The following DYNC1H1 variants were observed in gnomAD, a reference collection of about 807,000 sequenced individuals.
The protein encoded by DYNC1H1 is dynein cytoplasmic 1 heavy chain 1.
DYNC1H1 carries 51 observed loss-of-function variants against 527.1 expected under a neutral mutation model. The observed-to-expected ratio is 0.10, with a 90% CI of 0.08 to 0.12. The LOEUF (loss-of-function observed/expected upper bound fraction) is 0.12, where lower values mean the gene tolerates loss of function less well. DYNC1H1 is among the 10% of genes least tolerant of loss of function. The pLI is 1.00. For synonymous variants in DYNC1H1, 2,189 were observed against 2,278.8 expected (o/e 0.96, Z 1.12); for missense variants, 2,771 against 5,971.8 (o/e 0.46, Z 17.66).
At chr14:102,043,731 C>A in intron 69 of DYNC1H1, 144 bp from the exon 70 acceptor site, 1 of 1,104,676 alleles carries the variant, frequency 9.1e-7, no homozygotes, top group Non-Finnish European at 1.3e-6. Flanking sequence ...TACTTTTCTC[C>A]TAGCAGCAGT....
chr14:102,046,944 GCCA>G (rs139436002), intron 72 of DYNC1H1, among the ~76,000 whole-genome samples: 4,521 of 152,174 alleles, frequency 0.03, 207 homozygotes, highest in East Asian at 0.23. Context: ...GACCACAGGT[GCCA>G]CCACCACACC....
At position 102,028,086 on chromosome 14, in the gene DYNC1H1, C is replaced by G; in HGVS notation, c.9413C>G (p.Ser3138Cys). The change falls in exon 48 of 78, where the codon TCC (serine) becomes TGC (cysteine). Residue 3138 changes from serine to cysteine, a missense_variant. Physicochemically the swap from Ser to Cys is moderately radical, Grantham distance 112. This residue lies in a region of DYNC1H1 where 67 missense variants were observed against 128.2 expected (regional missense o/e 0.52). Coordinates refer to ENST00000360184, the MANE Select transcript of DYNC1H1 (RefSeq NM_001376.5). Reference protein sequence around the residue: ...VVYDKLPQPPSHREAIVNSCV... With the variant: ...VVYDKLPQPPCHREAIVNSCV... ...TATGATAAGCTGCCGCAGCCACCAT[C>G]CCATCGGGAAGCCATTGTGAACAGC... The G allele has an allele frequency of 6.2e-7, 1 of 1,614,198 alleles. No individual in the cohort carries two copies. The highest frequency in any genetic ancestry group is 8.5e-7 in the Non-Finnish European group (1 of 1,180,038).
chr14:102,006,154 G>C lies in DYNC1H1; in HGVS notation c.5700G>C (p.Leu1900=), dbSNP rs552313071. The C allele has an allele frequency of 9.3e-6, 15 of 1,613,708 alleles. No homozygotes were observed. The highest frequency in any genetic ancestry group is 2.2e-5 in the East Asian group (1 of 44,888). ...LTMTQALEAR[L]GGSPFGPAGT... ...TGACACAAGCCTTGGAGGCCAGGCTGGGGGGTTCCCCATTTGGTAAGTTCT... is the reference window on the plus strand; with the variant it reads ...TGACACAAGCCTTGGAGGCCAGGCTCGGGGGTTCCCCATTTGGTAAGTTCT... Residue 1900 remains leucine (L), a synonymous_variant, in exon 27 of 78, where the codon CTG becomes CTC. Coordinates refer to ENST00000360184, the MANE Select transcript of DYNC1H1 (RefSeq NM_001376.5).
rs981658442 is a variant in DYNC1H1 at position 102,023,193 on chromosome 14, G to C, written c.8637+313G>C. On this transcript the variant is annotated intron_variant, in intron 43 of 77. Transcript: ENST00000360184. Reference sequence around the variant, plus strand: ...AGCCCAGGAAGTCACAGTGAGCTGTGGTCACACCACCATACTGCAGCCTGG... The same window carrying C: ...AGCCCAGGAAGTCACAGTGAGCTGTCGTCACACCACCATACTGCAGCCTGG... 9.3e-5 allele frequency: 36 copies of C among 388,202 alleles called. No individual in the cohort carries two copies. The Admixed American group carries it at 9.4e-4, about 10-fold the overall frequency. The allele number at this position is 388,202 out of a possible 1,614,324, so 24.0% of individuals were successfully genotyped here. A position where few individuals can be genotyped will look rare whatever the true frequency, so the allele number is the denominator to read the frequency against.
At position 102,005,319 on chromosome 14, in the gene DYNC1H1, A is replaced by G; in HGVS notation, c.5433+83A>G. The G allele has an allele frequency of 6.3e-7, 1 of 1,581,728 alleles. No individual in the cohort carries two copies. The highest frequency in any genetic ancestry group is 1.1e-5 in the South Asian group (1 of 89,994). Reference sequence around the variant, plus strand: ...CAGTTAAATGGAAATCATGCTTGAAAAAGGTTTCAGGTAGTATCAAGGAGA... The same window carrying G: ...CAGTTAAATGGAAATCATGCTTGAAGAAGGTTTCAGGTAGTATCAAGGAGA... On this transcript the variant is annotated intron_variant, in intron 26 of 77. Transcript: ENST00000360184. This position sits in a 1 kb window ranked among gnomAD's most constrained non-coding sequence, Gnocchi z 4.0.
rs2273438 is a variant in DYNC1H1 at position 101,979,270 on chromosome 14, T to C, written c.345-49T>C. ...TGTATGATTTTTAAATTAATAAGCC[T>C]AATTAGGAGTGTAACTTTTCTAATT... On this transcript the variant is annotated intron_variant, in intron 2 of 77. Transcript: ENST00000360184. The surrounding 1 kb of genome is among the most constrained non-coding windows in gnomAD (Gnocchi z 4.6). 188,642 of 1,557,080 alleles carry C rather than the reference T, an allele frequency of 0.12. 12,901 individuals are homozygous for C. Among genetic ancestry groups the C allele is most frequent in the African/African-American group, 0.25 (18,344 of 73,826 alleles).
intron 56 of DYNC1H1, chr14:102,035,484 G>A (rs1240138402): frequency 6.6e-6 from 1 of 152,244 alleles, no homozygotes; most frequent in Non-Finnish European, 1.5e-5. Flanking sequence ...CGCAGGGCTG[G>A]ATTTGCCTAA....
chr14:102,037,104 A>T (rs1186292195), intron 57 of DYNC1H1: 4 of 210,422 alleles, frequency 1.9e-5, no homozygotes, highest in Non-Finnish European at 3.9e-5. Context: ...CTTAAAAAAA[A>T]AAAAAATTAT....
chr14:102,042,371 T>G lies in DYNC1H1; in HGVS notation c.12276-13T>G. 6.2e-7 allele frequency: 1 copy of G among 1,614,144 alleles called. No homozygotes were observed. Among genetic ancestry groups the G allele is most frequent in the Non-Finnish European group, 8.5e-7 (1 of 1,180,032 alleles). On this transcript the variant is annotated splice_polypyrimidine_tract_variant and intron_variant, in intron 67 of 77. Transcript: ENST00000360184. The surrounding 1 kb of genome is among the most constrained non-coding windows in gnomAD (Gnocchi z 5.7). ...GCCTGGCATGCTGTGTGACTCTCAC[T>G]TTGTGTGTGCAGGTGGGTGATGCTG...
At chr14:102,031,228 C>T (rs2048506917) in intron 51 of DYNC1H1, among the ~76,000 whole-genome samples, 1 of 151,950 alleles carries the variant, frequency 6.6e-6, no homozygotes, top group Admixed American at 6.6e-5. Flanking sequence ...AGTCATTGGC[C>T]ATTGTTTTTG....
intron 72 of DYNC1H1, 176 bp from the exon 73 acceptor site, chr14:102,047,641 G>GTATATATATATATATATATATA (rs71116874): frequency 2.7e-4 from 84 of 316,672 alleles, no homozygotes; most frequent in African/African-American, 1.5e-3. Flanking sequence ...GTGTGTGTGT[G>GTATATATATATATATATATATA]TATATATATA....
At chr14:102,043,500 G>A (rs1323576299) in intron 69 of DYNC1H1, 4 of 357,656 alleles carry the variant, frequency 1.1e-5, no homozygotes, top group Admixed American at 4.0e-5. Flanking sequence ...AGGCCCCCAA[G>A]ACCAAACAGA....
chr14:102,024,100 G>A (rs1424518598), intron 43 of DYNC1H1, among the ~76,000 whole-genome samples: 1 of 152,172 alleles, frequency 6.6e-6, no homozygotes, highest in African/African-American at 2.4e-5. Flanking sequence ...TCCAGCCGGT[G>A]GAAGGTGTTG....
chr14:102,050,706 G>A lies in DYNC1H1; in HGVS notation c.*143G>A. 7.4e-7 allele frequency: 1 copy of A among 1,358,990 alleles called. No homozygotes were observed. The highest frequency in any genetic ancestry group is 2.4e-5 in the East Asian group (1 of 41,150). The allele number at this position is 1,358,990 out of a possible 1,614,324, so 84.2% of individuals were successfully genotyped here. ...GAAGCTGAATGGAATCTGACGGTTGGGAGTGGTGGAAATTGGAAGGATACC... is the reference window on the plus strand; with the variant it reads ...GAAGCTGAATGGAATCTGACGGTTGAGAGTGGTGGAAATTGGAAGGATACC... On this transcript the variant is annotated 3_prime_UTR_variant, in exon 78 of 78. Coordinates refer to ENST00000360184, the MANE Select transcript of DYNC1H1 (RefSeq NM_001376.5).
Position 102,050,061 on chromosome 14 carries a change from C to CTTCAA in DYNC1H1, c.13685-10_13685-9insTTCAA. ...TCACCTCAGCCTGGGTTTTGGCTTC[C>CTTCAA]GCCTCACAGGTTTGAAACTTCAAGG... On this transcript the variant is annotated splice_polypyrimidine_tract_variant and intron_variant, in intron 76 of 77. Transcript: ENST00000360184. 1 of 1,550,844 alleles carries CTTCAA rather than the reference C, an allele frequency of 6.4e-7. No individual in the cohort carries two copies. The highest frequency in any genetic ancestry group is 8.6e-7 in the Non-Finnish European group (1 of 1,159,006).
At position 101,965,522 on chromosome 14, in the gene DYNC1H1, C is replaced by A. The variant is rs1186899449; in HGVS notation, c.256+575C>A. On this transcript the variant is annotated intron_variant, in intron 1 of 77. Transcript: ENST00000360184. The surrounding 1 kb of genome is among the most constrained non-coding windows in gnomAD (Gnocchi z 4.1). ...GCCCTGCCTTGTGGGGACCCAGAGGCCGAGGCCCACAGAGCGACGGTGCCA... is the reference window on the plus strand; with the variant it reads ...GCCCTGCCTTGTGGGGACCCAGAGGACGAGGCCCACAGAGCGACGGTGCCA... 6.6e-6 allele frequency among the ~76,000 whole-genome samples: 1 copy of A among 152,152 alleles called. No individual in the cohort carries two copies. Among genetic ancestry groups the A allele is most frequent in the Non-Finnish European group, 1.5e-5 (1 of 68,044 alleles).
chr14:102,046,673 C>T (rs780567949), intron 72 of DYNC1H1, among the ~76,000 whole-genome samples: 1 of 152,218 alleles, frequency 6.6e-6, no homozygotes, highest in Non-Finnish European at 1.5e-5. Context: ...GAGCGCCTCT[C>T]GAGCACGCAC....
chr14:101,969,925 G>A (rs887313392), intron 1 of DYNC1H1, among the ~76,000 whole-genome samples: 1 of 152,168 alleles, frequency 6.6e-6, no homozygotes, highest in Non-Finnish European at 1.5e-5. Flanking sequence ...TCATGAATGA[G>A]GAAACCAAAA....
rs1027136303 is a variant in DYNC1H1, at chr14:102,036,148, T to C, written c.10755-341T>C. 2.6e-5 allele frequency: 8 copies of C among 309,744 alleles called. No homozygotes were observed. The highest frequency in any genetic ancestry group is 1.1e-4 in the African/African-American group (5 of 46,522). The allele number at this position is 309,744 out of a possible 1,614,324, so 19.2% of individuals were successfully genotyped here. ...GCTGCTGCGACATCATTGATGTTGA[T>C]ACGTGCTGTCTAGAAGGATCGTAAA... On this transcript the variant is annotated intron_variant, in intron 56 of 77. Transcript: ENST00000360184. This position sits in a 1 kb window ranked among gnomAD's most constrained non-coding sequence, Gnocchi z 5.6.
Sources: allele counts gnomAD v4.1 joint callset (sites outside exome capture counted in the v4.1 genomes callset), GRCh38; gene constraint gnomAD v4.1.1; regional missense constraint gnomAD v4.1.1; non-coding constraint Gnocchi (gnomAD v3.1); transcripts MANE v1.5; gene names NCBI Gene and HGNC (gene_info 2026-07-23, HGNC 2026-07-21).